The following CTSH variants were observed in gnomAD, a reference collection of about 807,000 sequenced individuals.
The protein encoded by CTSH is cathepsin H, also known as pro-cathepsin H.
In CTSH, 52 loss-of-function variants were observed where a neutral mutation model predicts 56.3. That is an observed-to-expected ratio of 0.92 (90% CI 0.74 to 1.16). The LOEUF is 1.16. Among genes scored for constraint, CTSH ranks in the 50% most tolerant of loss-of-function variants. The pLI is 0.00. For missense variants in CTSH, 406 were observed against 424.5 expected, an observed-to-expected ratio of 0.96 and a Z score of 0.38; for synonymous variants, 174 against 155.7, an observed-to-expected ratio of 1.12 and a Z score of -0.88.
At chr15:78,932,738 G>A (rs964090245) in intron 5 of CTSH, among the ~76,000 whole-genome samples, 4 of 152,146 alleles carry the variant, frequency 2.6e-5, no homozygotes, top group Non-Finnish European at 5.9e-5. Flanking sequence ...GGTGGCCTCT[G>A]ACCAGTGCCT....
At chr15:78,927,870 A>C in intron 8 of CTSH, 89 bp from the exon 9 acceptor site, 1 of 1,056,980 alleles carries the variant, frequency 9.5e-7, no homozygotes, top group Non-Finnish European at 1.5e-6. Context: ...ACTAAACAAA[A>C]CAAGATGTGC....
chr15:78,925,676 C>T (rs1189277964), intron 9 of CTSH: 9 of 451,754 alleles, frequency 2.0e-5, no homozygotes, highest in Admixed American at 1.0e-4. Context: ...ATAGGGACCA[C>T]GGGGTACAGC....
At chr15:78,942,504 C>T (rs937240793) in intron 1 of CTSH, among the ~76,000 whole-genome samples, 7 of 152,232 alleles carry the variant, frequency 4.6e-5, no homozygotes, top group Non-Finnish European at 8.8e-5. Flanking sequence ...TGAGCCCCCA[C>T]GCCTGGCCTC....
chr15:78,921,867 A>T lies in CTSH; in HGVS notation c.*263T>A. The T allele has an allele frequency of 2.0e-6, 1 of 508,980 alleles. No homozygotes were observed. The highest frequency in any genetic ancestry group is 3.5e-6 in the Non-Finnish European group (1 of 285,112). 31.5% of individuals were successfully genotyped at this position (508,980 alleles called of 1,614,324 possible). On this transcript the variant is annotated 3_prime_UTR_variant, in exon 12 of 12. Coordinates refer to ENST00000220166, the MANE Select transcript of CTSH (RefSeq NM_004390.5). Reference sequence around the variant, plus strand: ...GAAAGTAGCCCTTCTGGACAGAAAGAATATTCGTGGTCCATGTGGTTTGAG... The same window carrying T: ...GAAAGTAGCCCTTCTGGACAGAAAGTATATTCGTGGTCCATGTGGTTTGAG...
chr15:78,941,766 A>G (rs1350917303), intron 1 of CTSH, among the ~76,000 whole-genome samples: 1 of 149,910 alleles, frequency 6.7e-6, no homozygotes, highest in Non-Finnish European at 1.5e-5. Flanking sequence ...ACTGCACTCC[A>G]GCCTGGGCGA....
chr15:78,944,802 C>T, intron 1 of CTSH, 89 bp downstream of exon 1: 2 of 1,451,688 alleles, frequency 1.4e-6, no homozygotes, highest in East Asian at 2.9e-5. Flanking sequence ...CCCCGTTCCT[C>T]CGGAGCCCAG....
intron 2 of CTSH, among the ~76,000 whole-genome samples, chr15:78,938,798 T>G (rs949069561): frequency 5.9e-5 from 9 of 151,870 alleles, no homozygotes; most frequent in African/African-American, 2.2e-4. Flanking sequence ...CTGGGTCATA[T>G]GGTAGTTTTG....
intron 3 of CTSH, 78 bp from the exon 4 acceptor site, chr15:78,935,828 C>T: frequency 9.6e-7 from 1 of 1,045,336 alleles, no homozygotes; most frequent in South Asian, 1.4e-5. Flanking sequence ...AGTGATGAAA[C>T]CTCCTGTTTA....
At chr15:78,937,446 C>A in intron 2 of CTSH, 23 bp from the exon 3 acceptor site, 2 of 1,598,172 alleles carry the variant, frequency 1.3e-6, no homozygotes, top group Non-Finnish European at 1.7e-6. Flanking sequence ...ACGCCAGTAG[C>A]AAGTCATGGA....
chr15:78,935,015 CG>C lies in CTSH; in HGVS notation c.367del (p.Arg123GlyfsTer10). ...TGPYPPSVDWRKKGNFVSPVK... is the reference protein window; with the variant it reads ...TGPYPPSVDWXKKGNFVSPVK... ...AGGTGAGACAAAATTTCCTTTTTTC[CG>C]CCAGTCCACGGAAGGTGGGTAGGGA... On this transcript the variant is annotated frameshift_variant, in exon 5 of 12. Transcript: ENST00000220166. LOFTEE classifies it high-confidence loss of function. 6.2e-7 allele frequency: 1 copy of C among 1,613,994 alleles called. No homozygotes were observed. Among genetic ancestry groups the C allele is most frequent in the Non-Finnish European group, 8.5e-7 (1 of 1,179,966 alleles).
intron 1 of CTSH, among the ~76,000 whole-genome samples, chr15:78,939,465 C>T (rs549500013): frequency 2.0e-5 from 3 of 152,310 alleles, no homozygotes; most frequent in Admixed American, 1.3e-4. Context: ...CTGCTCATAT[C>T]CTGTTTCTTC....
intron 5 of CTSH, 135 bp downstream of exon 5, chr15:78,934,843 G>A (rs764364344): frequency 9.7e-6 from 7 of 725,154 alleles, no homozygotes; most frequent in African/African-American, 1.7e-5. Flanking sequence ...GAAGAGGGCT[G>A]GAGAGATGCC....
rs776514517 is a variant in CTSH, at chr15:78,935,686, C to T, written c.294G>A (p.Glu98=). The part of the protein sequence containing the change: ...AEIKHKYLWS[E]PQNCSATKSN... ...TGCAATGAATTATACCTACCTGAGG[C>T]TCTGACCAGAGATACTTGTGTTTTA... Residue 98 remains glutamate, a synonymous_variant, in exon 4 of 12, where the codon GAG becomes GAA. Transcript: ENST00000220166. The T allele has an allele frequency of 3.1e-6, 5 of 1,609,980 alleles. No homozygotes were observed. In the South Asian group the frequency reaches 4.4e-5, roughly 14 times the overall value.
rs1180634911 is a variant in CTSH, at chr15:78,921,807, A to G, written c.*323T>C. The G allele has an allele frequency of 6.5e-6, 2 of 308,780 alleles. No individual in the cohort carries two copies. The highest frequency in any genetic ancestry group is 4.3e-5 in the African/African-American group (2 of 46,344). 19.1% of individuals were successfully genotyped at this position (308,780 alleles called of 1,614,324 possible). On this transcript the variant is annotated 3_prime_UTR_variant, in exon 12 of 12. Coordinates refer to ENST00000220166, the MANE Select transcript of CTSH (RefSeq NM_004390.5). ...TCACTCAATGTTTATTGAACAGCGA[A>G]TACAGAAAAGACAGTCCCTGGAGCT...
intron 10 of CTSH, 70 bp from the exon 11 acceptor site, chr15:78,923,188 A>G: frequency 6.4e-7 from 1 of 1,571,512 alleles, no homozygotes; most frequent in East Asian, 2.3e-5. Flanking sequence ...CCATCCAACA[A>G]CGCCTCTTTG....
At chr15:78,939,874 C>T (rs1371733695) in intron 1 of CTSH, among the ~76,000 whole-genome samples, 1 of 152,120 alleles carries the variant, frequency 6.6e-6, no homozygotes, top group African/African-American at 2.4e-5. Flanking sequence ...CAGAGAGAGA[C>T]TCCGTCTCAA....
At chr15:78,938,474 G>C (rs902444304) in intron 2 of CTSH, among the ~76,000 whole-genome samples, 5 of 152,086 alleles carry the variant, frequency 3.3e-5, no homozygotes, top group African/African-American at 1.2e-4. Flanking sequence ...TTCTTCATCA[G>C]ATCCACTTTT....
chr15:78,932,108 CG>C, intron 6 of CTSH: 1 of 1,248,650 alleles, frequency 8.0e-7, no homozygotes, highest in Non-Finnish European at 1.0e-6. Flanking sequence ...ACCCCTCCGC[CG>C]GGAAGGCTCC....
At chr15:78,937,558 G>C in intron 2 of CTSH, 135 bp from the exon 3 acceptor site, 1 of 1,336,820 alleles carries the variant, frequency 7.5e-7, no homozygotes, top group Non-Finnish European at 1.0e-6. Flanking sequence ...TGTGTTAATG[G>C]GCGGGGTACT....
Sources: allele counts gnomAD v4.1 joint callset (sites outside exome capture counted in the v4.1 genomes callset), GRCh38; gene constraint gnomAD v4.1.1; transcripts MANE v1.5; gene names NCBI Gene and HGNC (gene_info 2026-07-23, HGNC 2026-07-21).